MAST2: variants seen among roughly 807,000 people sequenced by gnomAD.
MAST2 encodes microtubule associated serine/threonine kinase 2.
In MAST2, 70 loss-of-function variants were observed where a neutral mutation model predicts 147.4. The observed-to-expected ratio is 0.47, with a 90% confidence interval of 0.39 to 0.58. MAST2 has a LOEUF of 0.58. Ranked by LOEUF, MAST2 falls within the 20% of genes least tolerant of loss-of-function variation. MAST2 has a pLI of 0.00. For synonymous variants in MAST2, 869 were observed against 896.8 expected (o/e 0.97, Z 0.55); for missense variants, 2,080 against 2,302.3 (o/e 0.90, Z 1.98).
chr1:45,987,966 A>G (rs1644715674), intron 5 of MAST2, among the ~76,000 whole-genome samples: 2 of 151,558 alleles, frequency 1.3e-5, no homozygotes, highest in Non-Finnish European at 2.9e-5. Context: ...AATATAATGT[A>G]GTGATATAAT....
chr1:45,813,162 C>T (rs1240771592), intron 1 of MAST2, among the ~76,000 whole-genome samples: 1 of 152,018 alleles, frequency 6.6e-6, no homozygotes, highest in Non-Finnish European at 1.5e-5. Flanking sequence ...ATAACTGTTA[C>T]ACTCTATTAC....
chr1:45,973,115 C>A (rs11211234), intron 5 of MAST2, among the ~76,000 whole-genome samples: 67,936 of 151,796 alleles, frequency 0.45, 15,388 homozygotes, highest in East Asian at 0.63. Flanking sequence ...GCTCTTGACT[C>A]CAATTACTCT....
chr1:45,827,134 ACTT>A (rs1282317307), intron 2 of MAST2, among the ~76,000 whole-genome samples: 6 of 152,170 alleles, frequency 3.9e-5, no homozygotes, highest in Admixed American at 6.6e-5. Context: ...TGCCCAGGTT[ACTT>A]CTTTTGTCTC....
chr1:45,925,975 G>C (rs1021942529), intron 4 of MAST2, among the ~76,000 whole-genome samples: 1 of 152,200 alleles, frequency 6.6e-6, no homozygotes, highest in African/African-American at 2.4e-5. Context: ...GGCAACCTTT[G>C]AAACCCCTTT....
chr1:46,023,838 G>T lies in MAST2; in HGVS notation c.1638G>T (p.Gln546His). Residue 546 changes from glutamine (Q) to histidine (H), a missense_variant, in exon 15 of 29, where the codon CAG becomes CAT. Coordinates refer to ENST00000361297, the MANE Select transcript of MAST2 (RefSeq NM_015112.3). This position sits in a 1 kb window ranked among gnomAD's most constrained non-coding sequence, Gnocchi z 4.9. ...TTGCCATGAAGAAGATCAACAAGCAGAACCTGATCCTACGGAACCAGATCC... is the reference window on the plus strand; with the variant it reads ...TTGCCATGAAGAAGATCAACAAGCATAACCTGATCCTACGGAACCAGATCC... ...QRFAMKKINK[Q>H]NLILRNQIQQ... 6.2e-7 allele frequency: 1 copy of T among 1,614,146 alleles called. No homozygotes were observed. The highest frequency in any genetic ancestry group is 8.5e-7 in the Non-Finnish European group (1 of 1,180,036).
rs1282733768 is a variant in MAST2, at chr1:45,981,839, A to C, written c.593-15885A>C. Reference sequence around the variant, plus strand: ...GTCAACAAACTTTAAAATGGTGGTAATTTTGGCTTTTTTTTTTTTTTGAAA... The same window carrying C: ...GTCAACAAACTTTAAAATGGTGGTACTTTTGGCTTTTTTTTTTTTTTGAAA... On this transcript the variant is annotated intron_variant, in intron 5 of 28. Coordinates refer to ENST00000361297, the MANE Select transcript of MAST2 (RefSeq NM_015112.3). Among the ~76,000 whole-genome samples, 3 of 140,936 alleles carry C rather than the reference A, an allele frequency of 2.1e-5. No homozygotes were observed. The East Asian group carries it at 6.2e-4, about 29-fold the overall frequency. 92.5% of individuals were successfully genotyped at this position (140,936 alleles called of 152,430 possible).
intron 5 of MAST2, among the ~76,000 whole-genome samples, chr1:45,964,446 A>G (rs1324611845): frequency 1.3e-5 from 2 of 152,086 alleles, no homozygotes; most frequent in East Asian, 3.9e-4. Context: ...TAGTCTTGGG[A>G]GGGGGTATGT....
intron 5 of MAST2, among the ~76,000 whole-genome samples, chr1:45,966,460 G>A (rs12124291): frequency 0.34 from 51,458 of 151,750 alleles, 9,122 homozygotes; most frequent in African/African-American, 0.43. Flanking sequence ...AGCTGGGCGT[G>A]GTGGCTCACG....
intron 5 of MAST2, among the ~76,000 whole-genome samples, chr1:45,985,470 A>G (rs1259744376): frequency 6.6e-6 from 1 of 152,182 alleles, no homozygotes; most frequent in Admixed American, 6.5e-5. Flanking sequence ...CATCTCCTAA[A>G]GTTTCCCTAG....
chr1:45,810,402 A>C (rs1644255438), intron 1 of MAST2, among the ~76,000 whole-genome samples: 1 of 152,220 alleles, frequency 6.6e-6, no homozygotes, highest in Non-Finnish European at 1.5e-5. Context: ...TGCGTAATAT[A>C]TATAGGGAAC....
chr1:45,904,947 A>G (rs1402714412), intron 4 of MAST2, among the ~76,000 whole-genome samples: 1 of 151,900 alleles, frequency 6.6e-6, no homozygotes, highest in Non-Finnish European at 1.5e-5. Context: ...AGCTGGGACC[A>G]CAGGGACATG....
intron 5 of MAST2, among the ~76,000 whole-genome samples, chr1:45,970,958 A>T (rs182999236): frequency 4.7e-4 from 71 of 152,256 alleles, no homozygotes; most frequent in Non-Finnish European, 7.4e-5. Context: ...ACCACAATGT[A>T]TTCATTTTCT....
At chr1:45,879,423 AT>A (rs1173405945) in intron 3 of MAST2, among the ~76,000 whole-genome samples, 4 of 152,106 alleles carry the variant, frequency 2.6e-5, no homozygotes, top group African/African-American at 9.7e-5. Context: ...GAATATAAAA[AT>A]TAGCTGGGCA....
Position 45,959,477 on chromosome 1 carries a change from G to A in MAST2, c.592G>A (p.Gly198Ser), listed in dbSNP as rs1660099367. 6 of 1,612,956 alleles carry A rather than the reference G, an allele frequency of 3.7e-6. No homozygotes were observed. Among genetic ancestry groups the A allele is most frequent in the Non-Finnish European group, 5.1e-6 (6 of 1,179,316 alleles). The change falls in exon 5 of 29, where the codon GGT (glycine) becomes AGT (serine). Residue 198 changes from glycine (G) to serine (S), a missense_variant and splice_region_variant. Physicochemically the swap from Gly to Ser is moderately conservative, Grantham distance 56 (BLOSUM62 0). Coordinates refer to ENST00000361297, the MANE Select transcript of MAST2 (RefSeq NM_015112.3). ...ACACTCACCACTCCATGGCCACACA[G>A]GTGAGTGCTTGAAGGTTAAGAAAGG... The part of the protein sequence containing the change: ...RPHSPLHGHT[G>S]NSPLDSPRNF...
rs1646522851 is a variant in MAST2 at position 46,028,912 on chromosome 1, C to G, written c.2197C>G (p.Leu733Val). 7 of 1,601,148 alleles carry G rather than the reference C, an allele frequency of 4.4e-6. No individual in the cohort carries two copies. Among genetic ancestry groups the G allele is most frequent in the Non-Finnish European group, 6.0e-6 (7 of 1,174,254 alleles). Residue 733 changes from leucine to valine, a missense_variant, in exon 18 of 29, where the codon CTC becomes GTC. Transcript: ENST00000361297. ...TTTTTTTGGAGATACTCCGGAGGAGCTCTTTGGGCAGGTGATCAGTGGTAG... is the reference window on the plus strand; with the variant it reads ...TTTTTTTGGAGATACTCCGGAGGAGGTCTTTGGGCAGGTGATCAGTGGTAG... ...VPFFGDTPEE[L>V]FGQVISDEIV...
intron 3 of MAST2, among the ~76,000 whole-genome samples, chr1:45,879,559 C>G (rs6680333): frequency 0.23 from 26,280 of 113,786 alleles, 3,082 homozygotes; most frequent in Middle Eastern, 0.32. Flanking sequence ...GGTGACAGAG[C>G]GAGACTCCAT....
chr1:45,818,061 A>G (rs1321897521), intron 1 of MAST2, among the ~76,000 whole-genome samples: 1 of 152,194 alleles, frequency 6.6e-6, no homozygotes, highest in Non-Finnish European at 1.5e-5. Flanking sequence ...GTGAGAGGTT[A>G]GGTGAATATG....
Position 46,010,900 on chromosome 1 carries a change from C to T in MAST2, c.1149C>T (p.Phe383=). ...GTGGCCTCATTACATCACAATACTTCTACGAACTTCAAGATAATTTGGAGA... is the reference window on the plus strand; with the variant it reads ...GTGGCCTCATTACATCACAATACTTTTACGAACTTCAAGATAATTTGGAGA... ...SRSGLITSQY[F]YELQDNLEKL... Residue 383 remains phenylalanine (F), a synonymous_variant, in exon 10 of 29, where the codon TTC becomes TTT. Coordinates refer to ENST00000361297, the MANE Select transcript of MAST2 (RefSeq NM_015112.3). 6.2e-7 allele frequency: 1 copy of T among 1,614,190 alleles called. No individual in the cohort carries two copies. Among genetic ancestry groups the T allele is most frequent in the Non-Finnish European group, 8.5e-7 (1 of 1,180,034 alleles).
intron 4 of MAST2, among the ~76,000 whole-genome samples, chr1:45,947,318 A>AAC (rs1181600315): frequency 0.016 from 2,249 of 142,450 alleles, 21 homozygotes; most frequent in South Asian, 0.031. Context: ...AAAAAAAAAA[A>AAC]AAAAAAAAAA....
Sources: allele counts gnomAD v4.1 joint callset (sites outside exome capture counted in the v4.1 genomes callset), GRCh38; gene constraint gnomAD v4.1.1; non-coding constraint Gnocchi (gnomAD v3.1); transcripts MANE v1.5; gene names NCBI Gene and HGNC (gene_info 2026-07-23, HGNC 2026-07-21).